GEN1: variants seen among roughly 807,000 people sequenced by gnomAD.
GEN1 encodes flap endonuclease GEN homolog 1.
Under a neutral mutation model 67.6 loss-of-function variants are expected in GEN1, and 64 were observed. That is an observed-to-expected ratio of 0.95 (90% confidence interval 0.77 to 1.17). The LOEUF (loss-of-function observed/expected upper bound fraction) is 1.17, where lower values mean the gene tolerates loss of function less well. Ranked by LOEUF, GEN1 falls within the 50% of genes most tolerant of loss-of-function variation. The probability of loss-of-function intolerance (pLI) is 0.00; values close to 1 mark genes in which losing one functional copy is unlikely to be tolerated. For synonymous variants in GEN1, 371 were observed against 359.4 expected (o/e 1.03, Z -0.37); for missense variants, 1,058 against 1,048.3 (o/e 1.01, Z -0.13).
At chr2:17,762,260 G>A (rs553502653) in intron 3 of GEN1, among the ~76,000 whole-genome samples, 11 of 143,554 alleles carry the variant, frequency 7.7e-5, no homozygotes, top group Admixed American at 7.0e-4. Flanking sequence ...GGAGTGCAGT[G>A]GCGCAATCTC....
In GEN1 at chr2:17,758,476, C is replaced by A. The variant is rs544054812; in HGVS notation, c.-15-1453C>A. Among the ~76,000 whole-genome samples the A allele has an allele frequency of 2.0e-5, 3 of 152,276 alleles. No homozygotes were observed. The South Asian group carries it at 6.2e-4, about 32-fold the overall frequency. ...AATGACTTTGAGAATATTTGTACTG[C>A]ACTCTTTTTCCAGAATTAACCACAA... On this transcript the variant is annotated intron_variant, in intron 1 of 13. Coordinates refer to ENST00000381254, the MANE Select transcript of GEN1 (RefSeq NM_001130009.3).
At chr2:17,776,534 A>G (rs1431951362) in intron 11 of GEN1, among the ~76,000 whole-genome samples, 2 of 152,370 alleles carry the variant, frequency 1.3e-5, no homozygotes, top group East Asian at 1.9e-4. Context: ...AATGTTAACA[A>G]TTGATGAATC....
Position 17,766,559 on chromosome 2 carries a change from T to G in GEN1, c.526-20T>G, listed in dbSNP as rs1352318597. 2.3e-6 allele frequency: 3 copies of G among 1,298,568 alleles called. No individual in the cohort carries two copies. The highest frequency in any genetic ancestry group is 2.2e-6 in the Non-Finnish European group (2 of 904,126). The allele number at this position is 1,298,568 out of a possible 1,614,324, so 80.4% of individuals were successfully genotyped here. On this transcript the variant is annotated intron_variant, in intron 4 of 13. Coordinates refer to ENST00000381254, the MANE Select transcript of GEN1 (RefSeq NM_001130009.3). ...AATATGTACTTTTTGAGGATTAAAC[T>G]AAATCTGTTCTTTCTTTAGGACCCA...
chr2:17,756,418 T>G (rs1558392916), intron 1 of GEN1, among the ~76,000 whole-genome samples: 1 of 152,254 alleles, frequency 6.6e-6, no homozygotes, highest in African/African-American at 2.4e-5. Context: ...CTTCTTTTGA[T>G]ATATATATGT....
Position 17,768,739 on chromosome 2 carries a change from G to A in GEN1, c.638G>A (p.Gly213Glu), listed in dbSNP as rs781669703. The A allele has an allele frequency of 1.2e-6, 2 of 1,607,918 alleles. No individual in the cohort carries two copies. Among genetic ancestry groups the A allele is most frequent in the South Asian group, 2.2e-5 (2 of 90,500 alleles). ...ATTTTTTTTCCCACTTTCTGAAAGG[G>A]AGTCCCTGGAGTTGGAAAAGAGCAA... is the stretch of plus-strand genomic sequence containing the variant. ...ILLGCDYLPK[G>E]VPGVGKEQAL... Residue 213 changes from glycine (G) to glutamate (E), a missense_variant and splice_region_variant, in exon 6 of 14, where the codon GGA becomes GAA. Transcript: ENST00000381254.
At chr2:17,753,349 G>GGCCGCCTGGGAGGGGACA, upstream of GEN1, among the ~76,000 whole-genome samples, 1 of 152,226 alleles carries the variant, frequency 6.6e-6, no homozygotes, top group African/African-American at 2.4e-5. Context: ...GGGAGGGGAC[G>GGCCGCCTGGGAGGGGACA]GCCGCCTGGG....
chr2:17,766,170 C>CT (rs1043102455), intron 4 of GEN1, among the ~76,000 whole-genome samples: 2 of 152,120 alleles, frequency 1.3e-5, no homozygotes, highest in East Asian at 3.9e-4. Context: ...AATAATTAAA[C>CT]TTTTTTTCTT....
In GEN1 at chr2:17,785,068, C is replaced by T. The variant is rs1018233319; in HGVS notation, c.*3129C>T. 2 of 152,130 alleles carry T rather than the reference C, an allele frequency of 1.3e-5. No homozygotes were observed. The highest frequency in any genetic ancestry group is 2.9e-5 in the Non-Finnish European group (2 of 68,038). 9.4% of individuals were successfully genotyped at this position (152,130 alleles called of 1,614,324 possible). A position where few individuals can be genotyped will look rare whatever the true frequency, so the allele number is the denominator to read the frequency against. Reference sequence around the variant, plus strand: ...TGAACCCTATTGTGAACTACGCATGCGAGGATCTAGTTTGTGCACTCCTAC... The same window carrying T: ...TGAACCCTATTGTGAACTACGCATGTGAGGATCTAGTTTGTGCACTCCTAC... On this transcript the variant is annotated 3_prime_UTR_variant, in exon 14 of 14. Coordinates refer to ENST00000381254, the MANE Select transcript of GEN1 (RefSeq NM_001130009.3).
In GEN1 at chr2:17,760,116, G is replaced by C; in HGVS notation, c.161+12G>C. On this transcript the variant is annotated intron_variant, in intron 2 of 13. Transcript: ENST00000381254. ...AAGCCCCACCTCAGGTATAGTAAAA[G>C]CTCTTACAGTATAAATGTATGATGT... is the stretch of plus-strand genomic sequence containing the variant. The C allele has an allele frequency of 6.2e-7, 1 of 1,612,066 alleles. No homozygotes were observed. Among genetic ancestry groups the C allele is most frequent in the South Asian group, 1.1e-5 (1 of 90,832 alleles).
intron 12 of GEN1, among the ~76,000 whole-genome samples, chr2:17,779,655 G>A (rs1035627522): frequency 6.6e-6 from 1 of 151,924 alleles, no homozygotes; most frequent in Admixed American, 6.6e-5. Flanking sequence ...AGGCTGGAGT[G>A]TAGTGGTGCG....
At chr2:17,779,269 C>T (rs1433368199) in intron 12 of GEN1, among the ~76,000 whole-genome samples, 1 of 152,126 alleles carries the variant, frequency 6.6e-6, no homozygotes, top group Non-Finnish European at 1.5e-5. Flanking sequence ...GTGTTCTTTT[C>T]AGAAGCTATC....
At chr2:17,753,425 C>G (rs1046084462), upstream of GEN1, among the ~76,000 whole-genome samples, 11 of 105,950 alleles carry the variant, frequency 1.0e-4, 1 homozygote, top group Admixed American at 1.7e-4. Context: ...CCTCGGAGAG[C>G]GCGCGAAGGT....
intron 6 of GEN1, among the ~76,000 whole-genome samples, chr2:17,770,570 C>G (rs951959291): frequency 1.3e-5 from 2 of 152,020 alleles, no homozygotes; most frequent in African/African-American, 4.8e-5. Flanking sequence ...TTATGTTAAC[C>G]TGGAACTTTA....
Position 17,759,919 on chromosome 2 carries a change from C to G in GEN1, c.-15-10C>G. 6.2e-7 allele frequency: 1 copy of G among 1,610,336 alleles called. No homozygotes were observed. Among genetic ancestry groups the G allele is most frequent in the South Asian group, 1.1e-5 (1 of 90,706 alleles). Reference sequence around the variant, plus strand: ...TAACAATATTTTGTAAAGTGTGTTTCACATAACAGCAGATAATCACCAGAA... The same window carrying G: ...TAACAATATTTTGTAAAGTGTGTTTGACATAACAGCAGATAATCACCAGAA... On this transcript the variant is annotated splice_polypyrimidine_tract_variant and intron_variant, in intron 1 of 13. Transcript: ENST00000381254.
At chr2:17,779,661 G>A (rs1672731287) in intron 12 of GEN1, among the ~76,000 whole-genome samples, 1 of 151,982 alleles carries the variant, frequency 6.6e-6, no homozygotes, top group Admixed American at 6.6e-5. Context: ...GAGTGTAGTG[G>A]TGCGATCTCG....
chr2:17,780,320 TACTA>T (rs1161593284), intron 13 of GEN1, among the ~76,000 whole-genome samples, 199 bp downstream of exon 13: 7 of 152,258 alleles, frequency 4.6e-5, no homozygotes, highest in Non-Finnish European at 8.8e-5. Flanking sequence ...CTGTTCTGTC[TACTA>T]ACTTAGACAC....
In GEN1 at chr2:17,781,828, AAGTTCTCTG is replaced by A; in HGVS notation, c.2625_2633del (p.Ser876_Leu878del). On this transcript the variant is annotated inframe_deletion, in exon 14 of 14. Coordinates refer to ENST00000381254, the MANE Select transcript of GEN1 (RefSeq NM_001130009.3). ...AAAGCTGTTTCCCAGATTCAACAAA[AAGTTCTCTG>A]AGTTCTCTACAATGTCATAAGAAAG... The A allele has an allele frequency of 1.2e-6, 2 of 1,612,696 alleles. No individual in the cohort carries two copies. Among genetic ancestry groups the A allele is most frequent in the South Asian group, 1.1e-5 (1 of 90,730 alleles).
In GEN1 at chr2:17,770,965, A is replaced by T. The variant is rs536120530; in HGVS notation, c.711-231A>T. 146 of 533,636 alleles carry T rather than the reference A, an allele frequency of 2.7e-4. 1 individual carries two copies. Among genetic ancestry groups the T allele is most frequent in the African/African-American group, 4.0e-4 (21 of 52,000 alleles). The allele number at this position is 533,636 out of a possible 1,614,324, so 33.1% of individuals were successfully genotyped here. ...TAGAGATACCGATATATAGATACACACACACATATACTCTCTCTCCTGTCT... is the reference window on the plus strand; with the variant it reads ...TAGAGATACCGATATATAGATACACTCACACATATACTCTCTCTCCTGTCT... On this transcript the variant is annotated intron_variant, in intron 6 of 13. Transcript: ENST00000381254.
intron 11 of GEN1, 21 bp downstream of exon 11, chr2:17,774,422 G>T: frequency 6.5e-7 from 1 of 1,550,304 alleles, no homozygotes; most frequent in African/African-American, 1.4e-5. Context: ...GAACTGTATG[G>T]TGAAGGTGGT....
Sources: gnomAD v4.1 joint callset for allele counts (sites outside exome capture counted in the v4.1 genomes callset) on GRCh38, gnomAD v4.1.1 for gene constraint, MANE v1.5 for transcripts, NCBI Gene and HGNC (gene_info 2026-07-23, HGNC 2026-07-21) for gene names.